Variants in FRMD4B observed in about 807,000 individuals in gnomAD.
The protein encoded by FRMD4B is FERM domain-containing protein 4B.
FRMD4B carries 74 observed loss-of-function variants against 141.5 expected under a neutral mutation model. That is an observed-to-expected ratio of 0.52 (90% CI 0.43 to 0.63). The LOEUF is 0.63. FRMD4B is among the 30% of genes least tolerant of loss of function. FRMD4B has a pLI of 0.00. For synonymous variants in FRMD4B, 506 were observed against 467.9 expected (o/e 1.08, Z -1.05); for missense variants, 1,366 against 1,253.4 (o/e 1.09, Z -1.36).
At chr3:69,215,924 T>C (rs560494506) in intron 11 of FRMD4B, among the ~76,000 whole-genome samples, 8 of 152,220 alleles carry the variant, frequency 5.3e-5, no homozygotes, top group Admixed American at 4.6e-4. Context: ...GAGGCCAAGG[T>C]GGGCAGATCA....
chr3:69,272,565 A>C (rs900953937), intron 5 of FRMD4B, among the ~76,000 whole-genome samples: 1 of 152,258 alleles, frequency 6.6e-6, no homozygotes. Context: ...ATTAAAACAC[A>C]TACACTCGTA....
chr3:69,230,063 G>T (rs1460614037), intron 7 of FRMD4B, among the ~76,000 whole-genome samples: 1 of 151,146 alleles, frequency 6.6e-6, no homozygotes, highest in Non-Finnish European at 1.5e-5. Context: ...TGCAACCTCT[G>T]CCTCCCAGGT....
chr3:69,399,019 C>T (rs1467022929), intron 2 of FRMD4B, among the ~76,000 whole-genome samples: 1 of 151,990 alleles, frequency 6.6e-6, no homozygotes, highest in Non-Finnish European at 1.5e-5. Flanking sequence ...TCATTCAAGG[C>T]ACCATGGTAA....
chr3:69,375,562 T>C (rs1184199227), intron 1 of FRMD4B, among the ~76,000 whole-genome samples: 3 of 152,216 alleles, frequency 2.0e-5, no homozygotes, highest in African/African-American at 7.2e-5. Flanking sequence ...TTTGAGTTCA[T>C]AGACTTCATC....
At chr3:69,405,784 C>A (rs1256286798) in intron 2 of FRMD4B, among the ~76,000 whole-genome samples, 1 of 152,172 alleles carries the variant, frequency 6.6e-6, no homozygotes, top group African/African-American at 2.4e-5. Flanking sequence ...GCCATGATGA[C>A]CTGCTTTCTG....
Position 69,326,007 on chromosome 3 carries a change from G to A in FRMD4B, c.163-12490C>T, listed in dbSNP as rs562586602. 2.0e-5 allele frequency among the ~76,000 whole-genome samples: 3 copies of A among 152,164 alleles called. No individual in the cohort carries two copies. The East Asian group carries it at 5.8e-4, about 29-fold the overall frequency. ...GTCTCTCTCTCTATCACCCAGGCTG[G>A]AGTGGACCATAGCTCACTGTAGCTT... On this transcript the variant is annotated intron_variant, in intron 1 of 22. Coordinates refer to ENST00000398540, the MANE Select transcript of FRMD4B (RefSeq NM_015123.3).
chr3:69,190,842 G>A (rs552999783), intron 17 of FRMD4B, among the ~76,000 whole-genome samples: 1 of 152,166 alleles, frequency 6.6e-6, no homozygotes, highest in Non-Finnish European at 1.5e-5. Context: ...ACTGAATTAG[G>A]TTTAAGTCTT....
intron 1 of FRMD4B, among the ~76,000 whole-genome samples, chr3:69,379,242 C>T (rs1219678526): frequency 6.6e-6 from 1 of 152,112 alleles, no homozygotes; most frequent in Non-Finnish European, 1.5e-5. Context: ...AAATTGAGCA[C>T]TCATCTTGAA....
intron 1 of FRMD4B, among the ~76,000 whole-genome samples, chr3:69,496,262 T>C (rs1003409254): frequency 4.6e-5 from 7 of 152,220 alleles, no homozygotes; most frequent in Admixed American, 2.0e-4. Flanking sequence ...AATTTGTTAA[T>C]ACTGCACTCT....
At chr3:69,512,467 C>T (rs1706705553) in intron 1 of FRMD4B, among the ~76,000 whole-genome samples, 1 of 152,212 alleles carries the variant, frequency 6.6e-6, no homozygotes, top group South Asian at 2.1e-4. Context: ...TGAAATAAAT[C>T]TGTATTTTTT....
chr3:69,464,431 T>C (rs1705751424), intron 1 of FRMD4B, among the ~76,000 whole-genome samples: 1 of 152,214 alleles, frequency 6.6e-6, no homozygotes, highest in Non-Finnish European at 1.5e-5. Context: ...AACTGTCACC[T>C]ATATATGATT....
intron 5 of FRMD4B, among the ~76,000 whole-genome samples, chr3:69,262,706 C>T (rs562973531): frequency 2.7e-5 from 4 of 150,524 alleles, no homozygotes; most frequent in East Asian, 2.0e-4. Flanking sequence ...GTGATCCGCC[C>T]GCCTTGGCCT....
intron 7 of FRMD4B, among the ~76,000 whole-genome samples, chr3:69,245,819 G>A (rs115558097): frequency 6.9e-6 from 1 of 145,638 alleles, no homozygotes. Context: ...GTCTGCGAAC[G>A]TGCCAGGCTA....
intron 2 of FRMD4B, among the ~76,000 whole-genome samples, chr3:69,397,258 C>A (rs960606481): frequency 3.3e-5 from 5 of 151,962 alleles, no homozygotes; most frequent in Non-Finnish European, 7.4e-5. Context: ...AGAAGCCAAA[C>A]AAAAAGGCCA....
intron 18 of FRMD4B, among the ~76,000 whole-genome samples, chr3:69,188,875 A>C (rs940469191): frequency 3.9e-5 from 6 of 152,006 alleles, no homozygotes; most frequent in Non-Finnish European, 5.9e-5. Flanking sequence ...ATTAAGTACA[A>C]GAGATGACAA....
intron 1 of FRMD4B, among the ~76,000 whole-genome samples, chr3:69,533,482 A>T (rs771102803): frequency 4.6e-5 from 7 of 152,194 alleles, no homozygotes; most frequent in Non-Finnish European, 1.0e-4. Flanking sequence ...GCTGCTTGGA[A>T]AGTACTTGGC....
intron 20 of FRMD4B, 135 bp from the exon 21 acceptor site, chr3:69,181,845 A>C: frequency 1.6e-6 from 1 of 613,096 alleles, no homozygotes; most frequent in South Asian, 2.0e-5. Flanking sequence ...AGCTGACTGC[A>C]CAATAGAATC....
chr3:69,247,434 TC>T (rs1335198520), intron 7 of FRMD4B, among the ~76,000 whole-genome samples: 1 of 152,190 alleles, frequency 6.6e-6, no homozygotes, highest in Non-Finnish European at 1.5e-5. Flanking sequence ...ATGACTGTGT[TC>T]CTTGCATATC....
intron 1 of FRMD4B, among the ~76,000 whole-genome samples, chr3:69,455,552 AC>A (rs1705586810): frequency 6.6e-6 from 1 of 152,158 alleles, no homozygotes; most frequent in South Asian, 2.1e-4. Flanking sequence ...GAAGGAAGAA[AC>A]TACGAACACG....
Sources: gnomAD v4.1 joint callset for allele counts (sites outside exome capture counted in the v4.1 genomes callset) on GRCh38, gnomAD v4.1.1 for gene constraint, MANE v1.5 for transcripts, NCBI Gene and HGNC (gene_info 2026-07-23, HGNC 2026-07-21) for gene names.